Variants in CFAP61 observed in about 807,000 individuals in gnomAD.
CFAP61 encodes the protein cilia and flagella associated protein 61, also known as cilia- and flagella-associated protein 61.
A neutral mutation model predicts 135.6 loss-of-function variants in CFAP61; 107 were observed. The ratio of observed to expected loss-of-function variants is 0.79; its 90% confidence interval spans 0.67 to 0.93. The LOEUF is 0.93. CFAP61 is among the 40% of genes least tolerant of loss of function. CFAP61 has a pLI of 0.00. For synonymous variants in CFAP61, 575 were observed against 578.5 expected (o/e 0.99, Z 0.09); for missense variants, 1,507 against 1,556.2 (o/e 0.97, Z 0.53).
chr20:20,090,665 G>A (rs1292082403), intron 6 of CFAP61, among the ~76,000 whole-genome samples, 179 bp from the exon 7 acceptor site: 2 of 136,428 alleles, frequency 1.5e-5, no homozygotes, highest in African/African-American at 5.6e-5. Flanking sequence ...ATTCCAGTCT[G>A]GCAACAGAGT....
intron 18 of CFAP61, among the ~76,000 whole-genome samples, chr20:20,241,431 C>G (rs2050006361): frequency 6.6e-6 from 1 of 152,164 alleles, no homozygotes; most frequent in African/African-American, 2.4e-5. Flanking sequence ...AAAAATGCCT[C>G]TATCCCCCAA....
intron 26 of CFAP61, among the ~76,000 whole-genome samples, chr20:20,349,354 C>G (rs186007653): frequency 1.3e-5 from 2 of 152,242 alleles, no homozygotes; most frequent in African/African-American, 2.4e-5. Flanking sequence ...AAGGGGGAGA[C>G]AGTGTATCAC....
At chr20:20,097,704 T>C (rs148993701) in intron 7 of CFAP61, among the ~76,000 whole-genome samples, 1 of 152,326 alleles carries the variant, frequency 6.6e-6, no homozygotes, top group Admixed American at 6.5e-5. Flanking sequence ...TTCAGGGTGA[T>C]GGGAAGTTCA....
At chr20:20,137,855 C>T (rs1363836516) in intron 8 of CFAP61, among the ~76,000 whole-genome samples, 6 of 152,102 alleles carry the variant, frequency 3.9e-5, no homozygotes, top group South Asian at 4.1e-4. Flanking sequence ...GAGAATGTGC[C>T]GGTCACACCT....
At chr20:20,218,696 T>G (rs1174817559) in intron 17 of CFAP61, among the ~76,000 whole-genome samples, 1 of 152,194 alleles carries the variant, frequency 6.6e-6, no homozygotes, top group African/African-American at 2.4e-5. Context: ...TAATGAGAAT[T>G]CCTTAAAGAC....
At chr20:20,228,197 A>G (rs1285971518) in intron 17 of CFAP61, 52 bp from the exon 18 acceptor site, 1 of 1,560,212 alleles carries the variant, frequency 6.4e-7, no homozygotes, top group Non-Finnish European at 8.8e-7. Context: ...GAGGGTATGA[A>G]CACTGCTACG....
At chr20:20,083,502 A>G (rs2046576271) in intron 6 of CFAP61, among the ~76,000 whole-genome samples, 1 of 152,208 alleles carries the variant, frequency 6.6e-6, no homozygotes, top group Non-Finnish European at 1.5e-5. Flanking sequence ...AATTAAAAGA[A>G]ATAAAATAGA....
Position 20,360,393 on chromosome 20 carries a change from T to A in CFAP61, c.3697T>A (p.Trp1233Arg). ...YNRYHLPMYA[W>R]PGIV ...CCGCTACCACCTGCCCATGTACGCG[T>A]GGCCAGGCATCGTTTAGTTGTAGGC... The change falls in exon 27 of 27, where the codon TGG (tryptophan) becomes AGG (arginine). Residue 1233 changes from tryptophan to arginine, a missense_variant. Physicochemically the swap from Trp to Arg is moderately radical, Grantham distance 101. Coordinates refer to ENST00000245957, the MANE Select transcript of CFAP61 (RefSeq NM_015585.4). 7.4e-6 allele frequency: 12 copies of A among 1,613,864 alleles called. No homozygotes were observed. Among genetic ancestry groups the A allele is most frequent in the Non-Finnish European group, 1.0e-5 (12 of 1,180,012 alleles).
chr20:20,360,659 A>C lies in CFAP61; in HGVS notation c.*249A>C. On this transcript the variant is annotated 3_prime_UTR_variant, in exon 27 of 27. Coordinates refer to ENST00000245957, the MANE Select transcript of CFAP61 (RefSeq NM_015585.4). ...TCCCAGGCATGTTCCTGTGCAGAAT[A>C]ATCCATTTCAGCAATAAAATGAGAT... is the stretch of plus-strand genomic sequence containing the variant. 1 of 509,516 alleles carries C rather than the reference A, an allele frequency of 2.0e-6. No individual in the cohort carries two copies. Among genetic ancestry groups the C allele is most frequent in the Non-Finnish European group, 3.5e-6 (1 of 289,410 alleles). The allele number at this position is 509,516 out of a possible 1,614,324, so 31.6% of individuals were successfully genotyped here. A position where few individuals can be genotyped will look rare whatever the true frequency, so the allele number is the denominator to read the frequency against.
At chr20:20,163,484 A>G (rs899316452) in intron 10 of CFAP61, among the ~76,000 whole-genome samples, 1 of 152,172 alleles carries the variant, frequency 6.6e-6, no homozygotes, top group African/African-American at 2.4e-5. Flanking sequence ...TAATACTATC[A>G]CGCTCTAATC....
At chr20:20,103,072 G>T (rs1042280911) in intron 8 of CFAP61, among the ~76,000 whole-genome samples, 4 of 152,162 alleles carry the variant, frequency 2.6e-5, no homozygotes, top group Non-Finnish European at 5.9e-5. Flanking sequence ...GGCTGGTGTG[G>T]TGCAGAGAAG....
rs555411596 is a variant in CFAP61, at chr20:20,263,028, C to A, written c.2401C>A (p.Arg801=). The A allele has an allele frequency of 6.2e-7, 1 of 1,613,812 alleles. No homozygotes were observed. Among genetic ancestry groups the A allele is most frequent in the Admixed American group, 1.7e-5 (1 of 60,004 alleles). ...GGAGGTTCCCAACAGCAGTCAGCGG[C>A]GGTACACGGGGAAAGTTCCTTGCAA... The part of the protein sequence containing the change: ...NREVPNSSQR[R]YTGKVPCNHF... Residue 801 remains arginine (R), a synonymous_variant, in exon 21 of 27, where the codon CGG becomes AGG. Coordinates refer to ENST00000245957, the MANE Select transcript of CFAP61 (RefSeq NM_015585.4).
At chr20:20,300,597 T>C (rs956353423) in intron 25 of CFAP61, among the ~76,000 whole-genome samples, 2 of 151,938 alleles carry the variant, frequency 1.3e-5, no homozygotes, top group African/African-American at 4.8e-5. Flanking sequence ...GGGGTTCTTT[T>C]GTTTTTTTTG....
chr20:20,281,315 C>T (rs112619155), intron 22 of CFAP61, among the ~76,000 whole-genome samples: 120 of 152,264 alleles, frequency 7.9e-4, no homozygotes, highest in African/African-American at 2.8e-3. Flanking sequence ...ACATCCTTGC[C>T]TTGTTCCATA....
intron 7 of CFAP61, among the ~76,000 whole-genome samples, chr20:20,091,260 G>A (rs144425476): frequency 2.6e-4 from 39 of 152,320 alleles, no homozygotes; most frequent in Non-Finnish European, 5.0e-4. Context: ...GGTGCGTAGG[G>A]GGATTTCTGA....
intron 21 of CFAP61, among the ~76,000 whole-genome samples, chr20:20,272,856 T>C (rs536588070): frequency 6.6e-6 from 1 of 152,212 alleles, no homozygotes; most frequent in Admixed American, 6.5e-5. Flanking sequence ...CAAAATTGAC[T>C]TAACCGTTGC....
At chr20:20,192,514 C>A (rs772141752) in intron 15 of CFAP61, among the ~76,000 whole-genome samples, 13 of 152,050 alleles carry the variant, frequency 8.5e-5, no homozygotes, top group Non-Finnish European at 1.5e-4. Flanking sequence ...CATTTCAAGG[C>A]AGCCTCTTCA....
rs773824428 is a variant in CFAP61, at chr20:20,098,750, C to CT, written c.796dup (p.Cys266LeufsTer6). The CT allele has an allele frequency of 5.6e-6, 9 of 1,613,976 alleles. No homozygotes were observed. The highest frequency in any genetic ancestry group is 1.3e-5 in the African/African-American group (1 of 74,884). Reference sequence around the variant, plus strand: ...TTGACTTGGGCCCTTTCCACGGACTCTGTTTCCCACATCCTGATGACGTTC... The same window carrying CT: ...TTGACTTGGGCCCTTTCCACGGACTCTTGTTTCCCACATCCTGATGACGTTC... On this transcript the variant is annotated frameshift_variant, in exon 8 of 27. Coordinates refer to ENST00000245957, the MANE Select transcript of CFAP61 (RefSeq NM_015585.4). LOFTEE classifies it high-confidence loss of function.
chr20:20,116,792 ATTCTC>A (rs2049176873), intron 8 of CFAP61, among the ~76,000 whole-genome samples: 2 of 151,914 alleles, frequency 1.3e-5, no homozygotes. Context: ...CCAGCAGTCT[ATTCTC>A]TATCTTCATG....
Sources: allele counts gnomAD v4.1 joint callset (sites outside exome capture counted in the v4.1 genomes callset), GRCh38; gene constraint gnomAD v4.1.1; transcripts MANE v1.5; gene names NCBI Gene and HGNC (gene_info 2026-07-23, HGNC 2026-07-21).